The following ABCC4 variants were observed in gnomAD, a reference collection of about 807,000 sequenced individuals.
ABCC4 encodes ATP-binding cassette sub-family C member 4.
A neutral mutation model predicts 168.5 loss-of-function variants in ABCC4; 102 were observed. The ratio of observed to expected loss-of-function variants is 0.61; its 90% confidence interval spans 0.52 to 0.71. The LOEUF is 0.71. Among genes scored for constraint, ABCC4 ranks in the 30% least tolerant of loss-of-function variants. The pLI is 0.00. For synonymous variants in ABCC4, 617 were observed against 590.7 expected, an observed-to-expected ratio of 1.04 and a Z score of -0.65; for missense variants, 1,402 against 1,605.8, an observed-to-expected ratio of 0.87 and a Z score of 2.17.
chr13:95,032,505 A>C (rs1229345193), intron 30 of ABCC4, among the ~76,000 whole-genome samples: 5 of 152,258 alleles, frequency 3.3e-5, no homozygotes, highest in Admixed American at 3.3e-4. Flanking sequence ...TTGAGGATAA[A>C]TGCAGGATTC....
chr13:95,063,926 G>A (rs887807688), intron 25 of ABCC4, among the ~76,000 whole-genome samples: 7 of 152,000 alleles, frequency 4.6e-5, no homozygotes, highest in Non-Finnish European at 4.4e-5. Flanking sequence ...AGTCAACGAA[G>A]GACATAAAAC....
At chr13:95,086,450 T>G (rs2034260173) in intron 20 of ABCC4, among the ~76,000 whole-genome samples, 1 of 152,164 alleles carries the variant, frequency 6.6e-6, no homozygotes, top group Admixed American at 6.5e-5. Context: ...AATATAAAAT[T>G]TCCCCCGGCA....
chr13:95,251,971 T>C (rs955378873), intron 1 of ABCC4, among the ~76,000 whole-genome samples: 2 of 152,202 alleles, frequency 1.3e-5, no homozygotes, highest in Non-Finnish European at 2.9e-5. Flanking sequence ...CCACCCAGGA[T>C]GGGAATCCTC....
At chr13:95,054,547 TAA>T (rs11285335) in intron 26 of ABCC4, among the ~76,000 whole-genome samples, 11 of 148,754 alleles carry the variant, frequency 7.4e-5, no homozygotes, top group African/African-American at 9.9e-5. Flanking sequence ...GTCTCCATCT[TAA>T]AAAAAAAAAC....
At chr13:95,229,480 A>G (rs1271920796) in intron 4 of ABCC4, among the ~76,000 whole-genome samples, 1 of 152,208 alleles carries the variant, frequency 6.6e-6, no homozygotes, top group Non-Finnish European at 1.5e-5. Flanking sequence ...AGGCTCAGGT[A>G]CTGCTGTAGC....
intron 4 of ABCC4, among the ~76,000 whole-genome samples, chr13:95,218,830 A>G (rs953624411): frequency 6.6e-6 from 1 of 150,812 alleles, no homozygotes; most frequent in Non-Finnish European, 1.5e-5. Flanking sequence ...CAGTCTGGGC[A>G]ACAGAGCAAA....
chr13:95,255,494 G>A (rs578099598), intron 1 of ABCC4, among the ~76,000 whole-genome samples: 4 of 152,328 alleles, frequency 2.6e-5, no homozygotes, highest in African/African-American at 9.6e-5. Context: ...GATCTCGCGT[G>A]AGGGTAGAGC....
chr13:95,071,233 G>A (rs998646275), intron 25 of ABCC4, among the ~76,000 whole-genome samples: 10 of 152,116 alleles, frequency 6.6e-5, no homozygotes, highest in African/African-American at 2.4e-4. Flanking sequence ...ACCTTTATCA[G>A]CAGTGTGAAA....
chr13:95,151,671 T>C (rs902737903), intron 19 of ABCC4, among the ~76,000 whole-genome samples: 6 of 151,988 alleles, frequency 3.9e-5, no homozygotes, highest in African/African-American at 1.5e-4. Flanking sequence ...ATCATCATCA[T>C]CATCCACTGT....
Position 95,206,602 on chromosome 13 carries a change from G to A in ABCC4, c.1091C>T (p.Thr364Met), listed in dbSNP as rs768534958. Residue 364 changes from threonine to methionine, a missense_variant, in exon 8 of 31, where the codon ACG (threonine) becomes ATG (methionine). Thr to Met is a moderately conservative substitution (Grantham distance 81). Coordinates refer to ENST00000645237, the MANE Select transcript of ABCC4 (RefSeq NM_005845.5). Reference protein sequence around the residue: ...AVTLYGAVRLTVTLFFPSAIE... With the variant: ...AVTLYGAVRLMVTLFFPSAIE... ...GGCTGAGGGGAAGAAGAGGGTAACC[G>A]TCAGCCGCACAGCCCCATACAGCGT... The A allele has an allele frequency of 3.1e-6, 5 of 1,614,016 alleles. No homozygotes were observed. The highest frequency in any genetic ancestry group is 2.2e-5 in the East Asian group (1 of 44,878).
chr13:95,141,534 T>C (rs1346350543), intron 19 of ABCC4, among the ~76,000 whole-genome samples: 1 of 149,014 alleles, frequency 6.7e-6, no homozygotes, highest in Non-Finnish European at 1.5e-5. Context: ...TCTGACTAAG[T>C]TGCAGCTTAC....
At chr13:95,259,421 T>C (rs1026694105) in intron 1 of ABCC4, among the ~76,000 whole-genome samples, 2 of 150,314 alleles carry the variant, frequency 1.3e-5, no homozygotes, top group Non-Finnish European at 3.0e-5. Flanking sequence ...CGCCTTCCCC[T>C]AAGGCAAGGT....
chr13:95,154,533 C>T (rs1269312517), intron 19 of ABCC4, among the ~76,000 whole-genome samples: 1 of 152,174 alleles, frequency 6.6e-6, no homozygotes. Flanking sequence ...GGGCATATTA[C>T]CAATTTTCCA....
intron 9 of ABCC4, among the ~76,000 whole-genome samples, chr13:95,194,220 C>A (rs1452969316): frequency 2.0e-5 from 3 of 152,174 alleles, no homozygotes; most frequent in African/African-American, 7.2e-5. Flanking sequence ...TGTGGCCTTG[C>A]CAGAACTACC....
At chr13:95,169,762 G>A (rs567451869) in intron 14 of ABCC4, among the ~76,000 whole-genome samples, 1 of 152,318 alleles carries the variant, frequency 6.6e-6, no homozygotes, top group South Asian at 2.1e-4. Context: ...AAATTCCTGT[G>A]CAGTGACACT....
chr13:95,035,873 G>T (rs1001044168), intron 29 of ABCC4, among the ~76,000 whole-genome samples: 14 of 152,266 alleles, frequency 9.2e-5, no homozygotes, highest in Middle Eastern at 3.4e-3. Context: ...CAGGACACAG[G>T]TTGTTTTTCT....
intron 29 of ABCC4, 149 bp from the exon 30 acceptor site, chr13:95,034,888 GT>G (rs2032053422): frequency 9.2e-7 from 1 of 1,089,448 alleles, no homozygotes; most frequent in Non-Finnish European, 1.3e-6. Flanking sequence ...TGATTACCCT[GT>G]TTTACGAAGC....
intron 1 of ABCC4, among the ~76,000 whole-genome samples, chr13:95,278,647 A>G (rs2041031914): frequency 6.6e-6 from 1 of 151,962 alleles, no homozygotes; most frequent in Admixed American, 6.6e-5. Flanking sequence ...AAAAACAAAA[A>G]TTAGCCAGGC....
chr13:95,082,609 C>T (rs2034133239), intron 21 of ABCC4, among the ~76,000 whole-genome samples: 2 of 152,164 alleles, frequency 1.3e-5, no homozygotes, highest in East Asian at 3.8e-4. Flanking sequence ...TTTAAAACTG[C>T]AACTTCCTAG....
Sources: gnomAD v4.1 joint callset for allele counts (sites outside exome capture counted in the v4.1 genomes callset) on GRCh38, gnomAD v4.1.1 for gene constraint, MANE v1.5 for transcripts, NCBI Gene and HGNC (gene_info 2026-07-23, HGNC 2026-07-21) for gene names.